Variants in AHSA1 observed in about 807,000 individuals in gnomAD.
AHSA1 encodes the protein activator of 90 kDa heat shock protein ATPase homolog 1.
A neutral mutation model predicts 46.1 loss-of-function variants in AHSA1; 14 were observed. The ratio of observed to expected loss-of-function variants is 0.30; its 90% CI spans 0.20 to 0.47. The LOEUF (loss-of-function observed/expected upper bound fraction) is 0.47, where lower values mean the gene tolerates loss of function less well. Among genes scored for constraint, AHSA1 ranks in the 20% least tolerant of loss-of-function variants. The pLI, the probability that AHSA1 is intolerant of heterozygous loss-of-function variation, is 0.99. For synonymous variants in AHSA1, 147 were observed against 145.8 expected (o/e 1.01, Z -0.06); for missense variants, 333 against 415.9 (o/e 0.80, Z 1.73).
chr14:77,463,387 G>A (rs1049531301), intron 4 of AHSA1, among the ~76,000 whole-genome samples: 7 of 151,952 alleles, frequency 4.6e-5, no homozygotes, highest in Admixed American at 2.0e-4. Context: ...TCGGGAGTTC[G>A]AGACCAGCCT....
At chr14:77,464,537 G>A (rs1159427122) in intron 4 of AHSA1, 61 bp from the exon 5 acceptor site, 1 of 1,410,748 alleles carries the variant, frequency 7.1e-7, no homozygotes, top group Admixed American at 1.9e-5. Context: ...AAGCTGTAAT[G>A]AAACTCCAGA....
At chr14:77,466,723 T>C (rs1410519090) in intron 6 of AHSA1, among the ~76,000 whole-genome samples, 2 of 152,358 alleles carry the variant, frequency 1.3e-5, no homozygotes, top group African/African-American at 2.4e-5. Flanking sequence ...AAAATTGTAC[T>C]GTACTTCAGA....
upstream of AHSA1, chr14:77,457,930 T>C (rs1170905973): frequency 1.4e-5 from 7 of 507,784 alleles, no homozygotes; most frequent in African/African-American, 4.0e-5. Flanking sequence ...GGGACGCTTT[T>C]TGGGGAGAAC....
intron 8 of AHSA1, chr14:77,468,740 T>TTTA: frequency 4.3e-6 from 2 of 468,346 alleles, no homozygotes; most frequent in South Asian, 3.1e-5. Flanking sequence ...TTTTTTTTTT[T>TTTA]TTTTTACTTT....
At chr14:77,463,818 T>C (rs2079036619) in intron 4 of AHSA1, among the ~76,000 whole-genome samples, 2 of 152,188 alleles carry the variant, frequency 1.3e-5, no homozygotes, top group South Asian at 4.1e-4. Flanking sequence ...GGAATATGTA[T>C]AATAACCATC....
rs2079057204 is a variant in AHSA1 at position 77,468,290 on chromosome 14, G to A, written c.792+106G>A. On this transcript the variant is annotated intron_variant, in intron 7 of 8. Coordinates refer to ENST00000216479, the MANE Select transcript of AHSA1 (RefSeq NM_012111.3). ...TAAAATGTAAGGCTTTAATCTCTTTGTTAATAAAACATTTTGTTTTTCAAA... is the reference window on the plus strand; with the variant it reads ...TAAAATGTAAGGCTTTAATCTCTTTATTAATAAAACATTTTGTTTTTCAAA... 1.4e-5 allele frequency: 15 copies of A among 1,102,650 alleles called. 1 individual carries two copies. In the East Asian group the frequency reaches 3.9e-4, roughly 28 times the overall value. 68.3% of individuals were successfully genotyped at this position (1,102,650 alleles called of 1,614,324 possible).
rs189777571 is a variant in AHSA1 at position 77,468,096 on chromosome 14, T to G, written c.704T>G (p.Phe235Cys). 3 of 1,506,226 alleles carry G rather than the reference T, an allele frequency of 2.0e-6. No homozygotes were observed. In the African/African-American group the frequency reaches 4.2e-5, roughly 21 times the overall value. The allele number at this position is 1,506,226 out of a possible 1,614,324, so 93.3% of individuals were successfully genotyped here. A position where few individuals can be genotyped will look rare whatever the true frequency, so the allele number is the denominator to read the frequency against. Reference sequence around the variant, plus strand: ...TTTTCCCTGCAGCTGGTGCAGGCCTTTACCCATGCTCCTGCAACATTAGAA... The same window carrying G: ...TTTTCCCTGCAGCTGGTGCAGGCCTGTACCCATGCTCCTGCAACATTAGAA... ...VFTTQELVQA[F>C]THAPATLEAD... Residue 235 changes from phenylalanine (F) to cysteine (C), a missense_variant, in exon 7 of 9, where the codon TTT becomes TGT. Phe to Cys is a radical substitution (Grantham distance 205). Coordinates refer to ENST00000216479, the MANE Select transcript of AHSA1 (RefSeq NM_012111.3).
intron 2 of AHSA1, among the ~76,000 whole-genome samples, chr14:77,461,485 A>G (rs2079024343): frequency 6.6e-6 from 1 of 152,198 alleles, no homozygotes; most frequent in African/African-American, 2.4e-5. Context: ...AGCCAAGATC[A>G]TGCCACTGCA....
intron 4 of AHSA1, among the ~76,000 whole-genome samples, chr14:77,463,585 C>CA (rs565353457): frequency 0.037 from 2,765 of 74,938 alleles, 83 homozygotes; most frequent in African/African-American, 0.091. Context: ...GACTCCATCT[C>CA]AAAAAAAAAA....
At chr14:77,468,717 C>A (rs1453200534) in intron 8 of AHSA1, 5 of 430,660 alleles carry the variant, frequency 1.2e-5, no homozygotes, top group Middle Eastern at 5.9e-4. Flanking sequence ...TGCCACCATG[C>A]CAGCTTTTTT....
intron 8 of AHSA1, chr14:77,468,741 T>TTTTA: frequency 1.1e-5 from 5 of 457,150 alleles, no homozygotes; most frequent in South Asian, 6.4e-5. Context: ...TTTTTTTTTT[T>TTTTA]TTTTACTTTT....
Position 77,458,166 on chromosome 14 carries a change from G to A in AHSA1, c.-24G>A. ...CTGTGGCTACGGCTGCTCCGGAGCT[G>A]GTGGCGCCGCGATAGGAGAGCCGAT... On this transcript the variant is annotated 5_prime_UTR_variant, in exon 1 of 9. Transcript: ENST00000216479. The A allele has an allele frequency of 6.6e-7, 1 of 1,514,422 alleles. No homozygotes were observed. The allele number at this position is 1,514,422 out of a possible 1,614,324, so 93.8% of individuals were successfully genotyped here.
chr14:77,458,576 G>A (rs1354709899), intron 1 of AHSA1, among the ~76,000 whole-genome samples: 1 of 152,248 alleles, frequency 6.6e-6, no homozygotes, highest in Non-Finnish European at 1.5e-5. Flanking sequence ...ATTACACGTG[G>A]CCAGAGGAGT....
In AHSA1 at chr14:77,468,074, T is replaced by A. The variant is rs540290018; in HGVS notation, c.691-9T>A. ...CTCTTTTTTTTTTTTTTTTTTTTTT[T>A]CCCTGCAGCTGGTGCAGGCCTTTAC... On this transcript the variant is annotated splice_polypyrimidine_tract_variant and intron_variant, in intron 6 of 8. Transcript: ENST00000216479. 15 of 1,302,966 alleles carry A rather than the reference T, an allele frequency of 1.2e-5. No homozygotes were observed. In the Admixed American group the frequency reaches 2.4e-4, roughly 21 times the overall value. The allele number at this position is 1,302,966 out of a possible 1,614,324, so 80.7% of individuals were successfully genotyped here.
At chr14:77,465,466 CTG>C in intron 5 of AHSA1, 71 bp from the exon 6 acceptor site, 1 of 1,531,488 alleles carries the variant, frequency 6.5e-7, no homozygotes, top group East Asian at 2.3e-5. Context: ...AATGGTACAA[CTG>C]TCTCTGAAGC....
intron 2 of AHSA1, among the ~76,000 whole-genome samples, chr14:77,461,951 T>G (rs1436228091): frequency 1.8e-4 from 27 of 152,234 alleles, no homozygotes; most frequent in Admixed American, 1.8e-3. Context: ...CACATTGTAA[T>G]AACATAGTTG....
At chr14:77,458,312 C>G (rs776577587) in intron 1 of AHSA1, 43 bp downstream of exon 1, 3 of 1,533,940 alleles carry the variant, frequency 2.0e-6, no homozygotes, top group African/African-American at 2.8e-5. Context: ...GACCTGCGGC[C>G]GGGCCAGGGT....
In AHSA1 at chr14:77,458,100, T is replaced by A; in HGVS notation, c.-90T>A. ...GTGCTTGCGGCCGCTTCTAGTAGTTTCCAGGCGCTGCCGGGCGGCTGGCAC... is the reference window on the plus strand; with the variant it reads ...GTGCTTGCGGCCGCTTCTAGTAGTTACCAGGCGCTGCCGGGCGGCTGGCAC... On this transcript the variant is annotated 5_prime_UTR_variant, in exon 1 of 9. Transcript: ENST00000216479. The A allele has an allele frequency of 3.2e-6, 4 of 1,234,884 alleles. No individual in the cohort carries two copies. Among genetic ancestry groups the A allele is most frequent in the South Asian group, 3.3e-5 (2 of 60,364 alleles). The allele number at this position is 1,234,884 out of a possible 1,614,324, so 76.5% of individuals were successfully genotyped here. A position where few individuals can be genotyped will look rare whatever the true frequency, so the allele number is the denominator to read the frequency against.
intron 3 of AHSA1, 142 bp from the exon 4 acceptor site, chr14:77,462,500 A>G: frequency 1.2e-6 from 1 of 826,290 alleles, no homozygotes. Flanking sequence ...AAGAAGGAAC[A>G]CTAATGGGGA....
Sources: allele counts gnomAD v4.1 joint callset (sites outside exome capture counted in the v4.1 genomes callset), GRCh38; gene constraint gnomAD v4.1.1; transcripts MANE v1.5; gene names NCBI Gene and HGNC (gene_info 2026-07-23, HGNC 2026-07-21).